KCNQ5: variants seen among roughly 807,000 people sequenced by gnomAD.
The protein encoded by KCNQ5 is potassium voltage-gated channel subfamily KQT member 5.
Under a neutral mutation model 98.2 loss-of-function variants are expected in KCNQ5, and 30 were observed. The observed-to-expected ratio is 0.31, with a 90% CI of 0.23 to 0.41. KCNQ5 has a LOEUF of 0.41. KCNQ5 is among the 10% of genes least tolerant of loss of function. The probability of loss-of-function intolerance (pLI) is 1.00; values close to 1 mark genes in which losing one functional copy is unlikely to be tolerated. For synonymous variants in KCNQ5, 458 were observed against 449.4 expected, an observed-to-expected ratio of 1.02 and a Z score of -0.24; for missense variants, 835 against 1,182.5, an observed-to-expected ratio of 0.71 and a Z score of 4.31.
intron 1 of KCNQ5, among the ~76,000 whole-genome samples, chr6:72,833,237 A>G (rs577318675): frequency 6.6e-6 from 1 of 152,184 alleles, no homozygotes; most frequent in Admixed American, 6.5e-5. Flanking sequence ...TGTCCAGAAC[A>G]TCTCTTTCTC....
intron 1 of KCNQ5, among the ~76,000 whole-genome samples, chr6:72,897,288 C>A (rs977068815): frequency 2.0e-5 from 3 of 152,076 alleles, no homozygotes; most frequent in Admixed American, 6.6e-5. Context: ...CGTCTGTAAT[C>A]CCAGCACTTT....
At chr6:73,049,172 A>G (rs575931758) in intron 3 of KCNQ5, among the ~76,000 whole-genome samples, 1 of 152,196 alleles carries the variant, frequency 6.6e-6, no homozygotes, top group Non-Finnish European at 1.5e-5. Context: ...TTTTATTTTT[A>G]ATAAATATCA....
intron 2 of KCNQ5, among the ~76,000 whole-genome samples, chr6:73,033,155 G>A (rs1286766770): frequency 6.6e-6 from 1 of 152,068 alleles, no homozygotes; most frequent in Non-Finnish European, 1.5e-5. Context: ...TAGGCAGCGA[G>A]GGGTAAACCA....
At chr6:72,915,690 A>G (rs376185004) in intron 1 of KCNQ5, among the ~76,000 whole-genome samples, 176 of 152,298 alleles carry the variant, frequency 1.2e-3, no homozygotes, top group African/African-American at 3.9e-3. Flanking sequence ...ACATAATCAC[A>G]CACAATCACG....
chr6:72,921,583 C>A (rs532153390), intron 1 of KCNQ5, among the ~76,000 whole-genome samples: 8 of 152,252 alleles, frequency 5.3e-5, no homozygotes, highest in South Asian at 2.1e-4. Flanking sequence ...ATGAGAGATT[C>A]TCTTTGAGCT....
At chr6:73,169,566 G>T (rs574387411) in intron 10 of KCNQ5, among the ~76,000 whole-genome samples, 180 bp from the exon 11 acceptor site, 2 of 152,332 alleles carry the variant, frequency 1.3e-5, no homozygotes, top group Admixed American at 1.3e-4. Flanking sequence ...ATTTAAAACT[G>T]GGGAGGCTGT....
At chr6:73,164,438 T>A (rs1777720020) in intron 10 of KCNQ5, among the ~76,000 whole-genome samples, 1 of 152,240 alleles carries the variant, frequency 6.6e-6, no homozygotes, top group African/African-American at 2.4e-5. Flanking sequence ...AAGTGCTGTA[T>A]AAAACTGCAC....
In KCNQ5 at chr6:73,050,257, GGGAAGGAAGGAA is replaced by G. The variant is rs1208611192; in HGVS notation, c.616+8238_616+8249del. 3.2e-3 allele frequency among the ~76,000 whole-genome samples: 248 copies of G among 76,312 alleles called. 2 individuals are homozygous for G. Among genetic ancestry groups the G allele is most frequent in the African/African-American group, 0.013 (213 of 15,806 alleles). 50.1% of individuals were successfully genotyped at this position (76,312 alleles called of 152,430 possible). On this transcript the variant is annotated intron_variant, in intron 3 of 13. Coordinates refer to ENST00000370398, the MANE Select transcript of KCNQ5 (RefSeq NM_019842.4). ...AAGGAAGGAAGGAAAGAAGGAAGGA[GGGAAGGAAGGAA>G]GGAAGGAAGGAAGGAAGGAAGGAAG...
chr6:72,701,854 T>C (rs1768826110), intron 1 of KCNQ5, among the ~76,000 whole-genome samples: 1 of 152,124 alleles, frequency 6.6e-6, no homozygotes, highest in Admixed American at 6.5e-5. Flanking sequence ...CCATGAAGCC[T>C]GCCTAATTTT....
At chr6:72,834,016 G>A (rs554711822) in intron 1 of KCNQ5, among the ~76,000 whole-genome samples, 16 of 152,202 alleles carry the variant, frequency 1.1e-4, no homozygotes, top group African/African-American at 3.8e-4. Flanking sequence ...ACTATGGATA[G>A]CAATTGTATC....
intron 1 of KCNQ5, among the ~76,000 whole-genome samples, chr6:72,907,195 A>G (rs1454776350): frequency 6.6e-6 from 1 of 152,206 alleles, no homozygotes; most frequent in Non-Finnish European, 1.5e-5. Context: ...AGGATCAGAA[A>G]AAATACTGTT....
At chr6:73,129,330 G>A (rs1401084775) in intron 9 of KCNQ5, among the ~76,000 whole-genome samples, 1 of 102,440 alleles carries the variant, frequency 9.8e-6, no homozygotes. Flanking sequence ...CATATATTCT[G>A]ACAATTGGTT....
At chr6:72,927,942 CCTT>C (rs1765509348) in intron 1 of KCNQ5, among the ~76,000 whole-genome samples, 1 of 151,972 alleles carries the variant, frequency 6.6e-6, no homozygotes, top group African/African-American at 2.4e-5. Flanking sequence ...ATACCTAACA[CCTT>C]CTGCACATTA....
chr6:72,832,485 G>C (rs1017778499), intron 1 of KCNQ5, among the ~76,000 whole-genome samples: 29 of 152,004 alleles, frequency 1.9e-4, no homozygotes, highest in Non-Finnish European at 1.5e-5. Flanking sequence ...TGTCATGCAC[G>C]GGACAGCCCC....
chr6:72,848,184 G>A (rs915281896), intron 1 of KCNQ5, among the ~76,000 whole-genome samples: 1 of 129,068 alleles, frequency 7.7e-6, no homozygotes, highest in Non-Finnish European at 1.6e-5. Context: ...AAACTCTCAG[G>A]ACAGCCATTT....
At chr6:72,852,638 G>GAAATAAATAAAT (rs1190940661) in intron 1 of KCNQ5, among the ~76,000 whole-genome samples, 1 of 24,524 alleles carries the variant, frequency 4.1e-5, no homozygotes, top group South Asian at 1.3e-3. Flanking sequence ...AGATGAAGGG[G>GAAATAAATAAAT]AAATATATAT....
chr6:72,908,975 A>G (rs1304149060), intron 1 of KCNQ5, among the ~76,000 whole-genome samples: 1 of 152,168 alleles, frequency 6.6e-6, no homozygotes, highest in Non-Finnish European at 1.5e-5. Flanking sequence ...TTTTACAAAT[A>G]TTCCTCACTC....
chr6:72,810,348 A>G (rs568236264), intron 1 of KCNQ5, among the ~76,000 whole-genome samples: 2 of 152,224 alleles, frequency 1.3e-5, no homozygotes, highest in Non-Finnish European at 2.9e-5. Context: ...AGAAGTGAGA[A>G]GTGAAGGACA....
At chr6:72,793,769 T>A (rs1246363281) in intron 1 of KCNQ5, among the ~76,000 whole-genome samples, 1 of 152,180 alleles carries the variant, frequency 6.6e-6, no homozygotes, top group Non-Finnish European at 1.5e-5. Context: ...GAAACGGAGA[T>A]GGGAGAATTG....
Sources: gnomAD v4.1 joint callset for allele counts (sites outside exome capture counted in the v4.1 genomes callset) on GRCh38, gnomAD v4.1.1 for gene constraint, MANE v1.5 for transcripts, NCBI Gene and HGNC (gene_info 2026-07-23, HGNC 2026-07-21) for gene names.